Variants in CPSF6 observed in about 807,000 individuals in gnomAD.
The protein encoded by CPSF6 is cleavage and polyadenylation specific factor 6.
CPSF6 carries 10 observed loss-of-function variants against 56.7 expected under a neutral mutation model. The ratio of observed to expected loss-of-function variants is 0.18; its 90% CI spans 0.11 to 0.30. The LOEUF is 0.30. Ranked by LOEUF, CPSF6 falls within the 10% of genes least tolerant of loss-of-function variation. The pLI, the probability that CPSF6 is intolerant of heterozygous loss-of-function variation, is 1.00. For synonymous variants in CPSF6, 248 were observed against 244.8 expected (o/e 1.01, Z -0.12); for missense variants, 419 against 722.9 (o/e 0.58, Z 4.82).
rs761294877 is a variant in CPSF6 at position 69,262,499 on chromosome 12, G to T, written c.1596G>T (p.Arg532=). 3.7e-6 allele frequency: 6 copies of T among 1,613,820 alleles called. No homozygotes were observed. Among genetic ancestry groups the T allele is most frequent in the South Asian group, 3.3e-5 (3 of 91,066 alleles). The change falls in exon 9 of 10, where the codon CGG becomes CGT. Residue 532 remains arginine (R), a synonymous_variant. Transcript: ENST00000435070. The part of the protein sequence containing the change: ...RERSRERERH[R]DRDRDRDRER... ...GAAGCAGAGAACGAGAGAGGCACCG[G>T]GATCGTGACCGAGACCGTGACCGAG... is the stretch of plus-strand genomic sequence containing the variant.
intron 7 of CPSF6, among the ~76,000 whole-genome samples, chr12:69,259,800 C>T (rs1872668796): frequency 1.3e-5 from 2 of 152,102 alleles, no homozygotes; most frequent in Non-Finnish European, 2.9e-5. Flanking sequence ...CCTCATGACA[C>T]CTTATTTATT....
In CPSF6 at chr12:69,258,811, C is replaced by T; in HGVS notation, c.916C>T (p.Pro306Ser). 1.9e-6 allele frequency: 3 copies of T among 1,613,940 alleles called. No homozygotes were observed. The highest frequency in any genetic ancestry group is 1.7e-6 in the Non-Finnish European group (2 of 1,179,922). The change falls in exon 6 of 10, where the codon CCT becomes TCT. Residue 306 changes from proline (P) to serine (S), a missense_variant. Pro to Ser is a moderately conservative substitution (Grantham distance 74, BLOSUM62 -1). Coordinates refer to ENST00000435070, the MANE Select transcript of CPSF6 (RefSeq NM_007007.3). This position sits in a 1 kb window ranked among gnomAD's most constrained non-coding sequence, Gnocchi z 4.2. ...PPPPVPGYGP[P>S]PGPPPPQQGP... is the part of the protein sequence containing the mutation. ...ACCTCCAGTTCCAGGCTACGGCCCC[C>T]CTCCTGGCCCACCACCTCCACAACA...
rs763583288 is a variant in CPSF6, at chr12:69,239,619, C to G, written c.-28C>G. The G allele has an allele frequency of 6.5e-7, 1 of 1,549,826 alleles. No homozygotes were observed. Among genetic ancestry groups the G allele is most frequent in the East Asian group, 2.6e-5 (1 of 37,894 alleles). On this transcript the variant is annotated 5_prime_UTR_variant, in exon 1 of 10. Transcript: ENST00000435070. ...CGGGCAGACCTGCAGGAGGCGGCGG[C>G]GGCGGCGGCGGCCGAGGCTGAAGGA... is the stretch of plus-strand genomic sequence containing the variant.
chr12:69,266,765 T>G (rs554128145), intron 9 of CPSF6, among the ~76,000 whole-genome samples: 242 of 152,254 alleles, frequency 1.6e-3, no homozygotes, highest in Middle Eastern at 6.8e-3. Context: ...CAAACCTCAT[T>G]TTTCTTTGAA....
intron 1 of CPSF6, among the ~76,000 whole-genome samples, chr12:69,243,184 C>G (rs910894110): frequency 6.6e-6 from 1 of 152,138 alleles, no homozygotes; most frequent in Non-Finnish European, 1.5e-5. Flanking sequence ...AGTCTCTACC[C>G]TTAGAGTACA....
chr12:69,250,764 A>T (rs1303636183), intron 1 of CPSF6, among the ~76,000 whole-genome samples: 1 of 151,912 alleles, frequency 6.6e-6, no homozygotes, highest in South Asian at 2.1e-4. Flanking sequence ...CTCCTGCCTC[A>T]GCCTCCTGAG....
chr12:69,248,407 T>C (rs1872026735), intron 1 of CPSF6, among the ~76,000 whole-genome samples: 1 of 152,232 alleles, frequency 6.6e-6, no homozygotes, highest in Admixed American at 6.5e-5. Flanking sequence ...ATAATATTAG[T>C]AATTCTACTT....
chr12:69,269,769 T>C lies in CPSF6; in HGVS notation c.*261T>C, dbSNP rs1326034836. 4.8e-6 allele frequency: 1 copy of C among 209,060 alleles called. No homozygotes were observed. 13.0% of individuals were successfully genotyped at this position (209,060 alleles called of 1,614,324 possible). ...GTTATAGCTTTTGCAACTTTATTAC[T>C]GGTTATATACATTTGGCCATTATGA... On this transcript the variant is annotated 3_prime_UTR_variant, in exon 10 of 10. Transcript: ENST00000435070.
chr12:69,259,673 G>T lies in CPSF6; in HGVS notation c.1315+130G>T. 3 of 830,264 alleles carry T rather than the reference G, an allele frequency of 3.6e-6. No individual in the cohort carries two copies. The South Asian group carries it at 6.1e-5, about 17-fold the overall frequency. The allele number at this position is 830,264 out of a possible 1,614,324, so 51.4% of individuals were successfully genotyped here. ...TTTATATTCCCAAATCATTACCTAC[G>T]ATTTATTTAAAAAGCATTGAAAAAA... On this transcript the variant is annotated intron_variant, in intron 7 of 9. Coordinates refer to ENST00000435070, the MANE Select transcript of CPSF6 (RefSeq NM_007007.3).
chr12:69,245,453 T>C (rs1202396086), intron 1 of CPSF6, among the ~76,000 whole-genome samples: 4 of 152,202 alleles, frequency 2.6e-5, no homozygotes, highest in Non-Finnish European at 5.9e-5. Flanking sequence ...AAAAACATAG[T>C]ATATTTAGGG....
chr12:69,260,026 C>T lies in CPSF6; in HGVS notation c.1316-18C>T, dbSNP rs757985074. ...AACAAAATTTGTTTGACTTCAAACC[C>T]TTTCCTTTCCCTCACAGGTGATTAT... On this transcript the variant is annotated intron_variant, in intron 7 of 9. Transcript: ENST00000435070. The T allele has an allele frequency of 8.7e-6, 14 of 1,608,064 alleles. No homozygotes were observed. The highest frequency in any genetic ancestry group is 2.2e-5 in the South Asian group (2 of 89,600).
At position 69,258,111 on chromosome 12, in the gene CPSF6, C is replaced by T; in HGVS notation, c.694+206C>T. 1 of 1,535,944 alleles carries T rather than the reference C, an allele frequency of 6.5e-7. No homozygotes were observed. Among genetic ancestry groups the T allele is most frequent in the Non-Finnish European group, 8.7e-7 (1 of 1,146,464 alleles). On this transcript the variant is annotated intron_variant, in intron 5 of 9. Coordinates refer to ENST00000435070, the MANE Select transcript of CPSF6 (RefSeq NM_007007.3). This position sits in a 1 kb window ranked among gnomAD's most constrained non-coding sequence, Gnocchi z 4.2. Reference sequence around the variant, plus strand: ...CTAGGATTCCATGGCATATGGGGCACAGCATAGAGGAAATACCCATTTTTG... The same window carrying T: ...CTAGGATTCCATGGCATATGGGGCATAGCATAGAGGAAATACCCATTTTTG...
At chr12:69,250,599 AAAAAAAAAG>A (rs1191359422) in intron 1 of CPSF6, among the ~76,000 whole-genome samples, 191 of 110,308 alleles carry the variant, frequency 1.7e-3, no homozygotes, top group African/African-American at 5.8e-3. Context: ...ACAAAAAAAA[AAAAAAAAAG>A]AAAAAAAAGA....
At chr12:69,252,295 G>C (rs1872288472) in intron 2 of CPSF6, 1 of 295,856 alleles carries the variant, frequency 3.4e-6, no homozygotes, top group Non-Finnish European at 6.7e-6. Flanking sequence ...ATTGCTTCAG[G>C]CTGGCCTCAA....
In CPSF6 at chr12:69,258,716, C is replaced by T. The variant is rs746291781; in HGVS notation, c.821C>T (p.Pro274Leu). The stretch of plus-strand genomic sequence containing the variant: ...CCTCCTAATCGAGGAGATCGCCCTC[C>T]ACCACCAGTTCTTTTTCCTGGACAA... The part of the protein sequence containing the change: ...AGPPNRGDRP[P>L]PPVLFPGQPF... The change falls in exon 6 of 10, where the codon CCA becomes CTA. Residue 274 changes from proline (P) to leucine (L), a missense_variant. Physicochemically the swap from Pro to Leu is moderately conservative, Grantham distance 98 (BLOSUM62 -3). Around this residue, in one of 4 missense-constraint regions of CPSF6, gnomAD observed 211 missense variants for 296.0 expected, o/e 0.71. Coordinates refer to ENST00000435070, the MANE Select transcript of CPSF6 (RefSeq NM_007007.3). This position sits in a 1 kb window ranked among gnomAD's most constrained non-coding sequence, Gnocchi z 4.2. 30 of 1,613,976 alleles carry T rather than the reference C, an allele frequency of 1.9e-5. No individual in the cohort carries two copies. The South Asian group carries it at 3.1e-4, about 17-fold the overall frequency.
chr12:69,259,104 T>C lies in CPSF6; in HGVS notation c.1199+10T>C, dbSNP rs140296658. On this transcript the variant is annotated intron_variant, in intron 6 of 9. Transcript: ENST00000435070. ...ATGGCCCCCCTGGAAGGTAAGTTAG[T>C]GTGTATCTGTGAAAGTACTTGATGA... 3.2e-4 allele frequency: 508 copies of C among 1,590,400 alleles called. 1 individual carries two copies. In the African/African-American group the frequency reaches 5.8e-3, roughly 18 times the overall value.
chr12:69,249,411 CT>C (rs773831766), intron 1 of CPSF6, among the ~76,000 whole-genome samples: 19 of 76,796 alleles, frequency 2.5e-4, no homozygotes, highest in Non-Finnish European at 4.3e-4. Flanking sequence ...ATAACAAATG[CT>C]TTTCTCTGGG....
intron 1 of CPSF6, among the ~76,000 whole-genome samples, chr12:69,245,058 G>A (rs930734429): frequency 3.4e-4 from 50 of 145,048 alleles, no homozygotes; most frequent in Middle Eastern, 3.5e-3. Flanking sequence ...AGGAGTTCGA[G>A]ACCAGCTTGG....
At position 69,239,610 on chromosome 12, in the gene CPSF6, A is replaced by AGGCGGCGGC. The variant is rs574075893; in HGVS notation, c.-24_-16dup. The AGGCGGCGGC allele has an allele frequency of 5.5e-4, 806 of 1,472,216 alleles. 1 individual carries two copies. The highest frequency in any genetic ancestry group is 1.1e-3 in the Admixed American group (56 of 48,984). 91.2% of individuals were successfully genotyped at this position (1,472,216 alleles called of 1,614,324 possible). On this transcript the variant is annotated 5_prime_UTR_variant, in exon 1 of 10. Coordinates refer to ENST00000435070, the MANE Select transcript of CPSF6 (RefSeq NM_007007.3). ...CTGCCGCGGCGGGCAGACCTGCAGG[A>AGGCGGCGGC]GGCGGCGGCGGCGGCGGCGGCCGAG...
Sources: allele counts gnomAD v4.1 joint callset (sites outside exome capture counted in the v4.1 genomes callset), GRCh38; gene constraint gnomAD v4.1.1; regional missense constraint gnomAD v4.1.1; non-coding constraint Gnocchi (gnomAD v3.1); transcripts MANE v1.5; gene names NCBI Gene and HGNC (gene_info 2026-07-23, HGNC 2026-07-21).